CDH4: variants seen among roughly 807,000 people sequenced by gnomAD.
The protein encoded by CDH4 is cadherin-4.
Under a neutral mutation model 86.0 loss-of-function variants are expected in CDH4, and 33 were observed. That is an observed-to-expected ratio of 0.38 (90% CI 0.29 to 0.51). The LOEUF is 0.51. Among genes scored for constraint, CDH4 ranks in the 20% least tolerant of loss-of-function variants. CDH4 has a pLI of 0.86. For missense variants in CDH4, 1,114 were observed against 1,307.4 expected, an observed-to-expected ratio of 0.85 and a Z score of 2.28; for synonymous variants, 555 against 549.4, an observed-to-expected ratio of 1.01 and a Z score of -0.14.
At chr20:61,279,959 G>A (rs2084250080) in intron 2 of CDH4, among the ~76,000 whole-genome samples, 1 of 152,198 alleles carries the variant, frequency 6.6e-6, no homozygotes, top group African/African-American at 2.4e-5. Context: ...CAAGGAGATG[G>A]CCTTCTCAAG....
At chr20:61,826,962 A>AGTGTGTATGTGTGT (rs770422600) in intron 4 of CDH4, among the ~76,000 whole-genome samples, 19 of 145,994 alleles carry the variant, frequency 1.3e-4, no homozygotes, top group African/African-American at 3.7e-4. Flanking sequence ...AGAAGGGAAA[A>AGTGTGTATGTGTGT]GTGTGTGTGT....
intron 7 of CDH4, among the ~76,000 whole-genome samples, chr20:61,884,305 G>A (rs1984435578): frequency 6.6e-6 from 1 of 152,224 alleles, no homozygotes; most frequent in Non-Finnish European, 1.5e-5. Context: ...GGGCAGCTGA[G>A]CAGAAGGTTG....
chr20:61,706,682 T>TGATCCCC (rs1424663475), intron 2 of CDH4, among the ~76,000 whole-genome samples: 1 of 152,110 alleles, frequency 6.6e-6, no homozygotes, highest in African/African-American at 2.4e-5. Flanking sequence ...ACCGACTCCC[T>TGATCCCC]GATCCCCGAT....
intron 3 of CDH4, among the ~76,000 whole-genome samples, chr20:61,768,822 A>G (rs560682892): frequency 3.9e-5 from 6 of 152,208 alleles, no homozygotes; most frequent in South Asian, 2.1e-4. Context: ...AGTAGCAAAT[A>G]TGTGCAATTT....
rs2084877546 is a variant in CDH4 at position 61,377,303 on chromosome 20, C to A, written c.169+122366C>A. Among the ~76,000 whole-genome samples, 1 of 152,094 alleles carries A rather than the reference C, an allele frequency of 6.6e-6. No individual in the cohort carries two copies. Among genetic ancestry groups the A allele is most frequent in the Non-Finnish European group, 1.5e-5 (1 of 68,016 alleles). On this transcript the variant is annotated intron_variant, in intron 2 of 15. Coordinates refer to ENST00000614565, the MANE Select transcript of CDH4 (RefSeq NM_001794.5). The surrounding 1 kb of genome is among the most constrained non-coding windows in gnomAD (Gnocchi z 4.0). The stretch of plus-strand genomic sequence containing the variant: ...CACAGCATCATTTAGGTGACACAGC[C>A]CGGGACTCCTGGGCCCTGACGAATC...
intron 11 of CDH4, among the ~76,000 whole-genome samples, chr20:61,925,521 G>A (rs3787417): frequency 0.46 from 69,241 of 152,108 alleles, 17,928 homozygotes; most frequent in East Asian, 0.83. Flanking sequence ...TGTTTGCTGC[G>A]GCCGTGATGA....
intron 2 of CDH4, among the ~76,000 whole-genome samples, chr20:61,274,747 G>A: frequency 7.0e-6 from 1 of 143,400 alleles, no homozygotes; most frequent in East Asian, 2.2e-4. Flanking sequence ...GGAGTACTGT[G>A]TGCAGTTTGG....
chr20:61,654,732 G>A (rs2087168248), intron 2 of CDH4, among the ~76,000 whole-genome samples: 1 of 152,278 alleles, frequency 6.6e-6, no homozygotes, highest in Admixed American at 6.5e-5. Flanking sequence ...TCTGTAGGGA[G>A]TGTGGTCTCA....
intron 2 of CDH4, among the ~76,000 whole-genome samples, chr20:61,428,945 C>A (rs901727805): frequency 6.6e-6 from 1 of 152,076 alleles, no homozygotes; most frequent in African/African-American, 2.4e-5. Context: ...TCCCTCTGCC[C>A]CTTCTATAGA....
chr20:61,527,307 G>A (rs554678020), intron 2 of CDH4, among the ~76,000 whole-genome samples: 133 of 152,018 alleles, frequency 8.7e-4, no homozygotes, highest in Non-Finnish European at 1.5e-3. Context: ...CTGGAGTGCA[G>A]TGGCAAATCT....
At chr20:61,588,321 C>CG (rs1216576336) in intron 2 of CDH4, among the ~76,000 whole-genome samples, 2 of 152,130 alleles carry the variant, frequency 1.3e-5, no homozygotes, top group Non-Finnish European at 2.9e-5. Context: ...CTCGCAGCCT[C>CG]CATCAGTCAA....
At chr20:61,730,345 TC>T (rs1201429474) in intron 2 of CDH4, among the ~76,000 whole-genome samples, 2 of 152,074 alleles carry the variant, frequency 1.3e-5, no homozygotes, top group Non-Finnish European at 2.9e-5. Context: ...CCTCCCACGG[TC>T]CTTTCACTGT....
intron 2 of CDH4, among the ~76,000 whole-genome samples, chr20:61,445,524 C>G (rs1248004957): frequency 2.6e-5 from 4 of 152,258 alleles, no homozygotes; most frequent in Admixed American, 6.5e-5. Flanking sequence ...ACCAATGCCC[C>G]TCAAACCTCC....
chr20:61,898,162 G>A (rs547947308), intron 8 of CDH4, among the ~76,000 whole-genome samples: 10 of 152,198 alleles, frequency 6.6e-5, no homozygotes, highest in Non-Finnish European at 1.5e-4. Flanking sequence ...ACCGTGGGAC[G>A]GAGCAGGCAG....
chr20:61,262,716 G>T (rs1333383200), intron 2 of CDH4, among the ~76,000 whole-genome samples: 1 of 152,050 alleles, frequency 6.6e-6, no homozygotes, highest in Admixed American at 6.6e-5. Context: ...GCAAATGGAG[G>T]TGGATAAAGG....
chr20:61,379,256 G>C (rs1033400762), intron 2 of CDH4, among the ~76,000 whole-genome samples: 1 of 152,112 alleles, frequency 6.6e-6, no homozygotes, highest in Non-Finnish European at 1.5e-5. Flanking sequence ...GATGCACGTG[G>C]TTTTGGAGTG....
intron 2 of CDH4, among the ~76,000 whole-genome samples, chr20:61,737,019 C>T (rs532670457): frequency 5.2e-4 from 79 of 152,258 alleles, no homozygotes; most frequent in African/African-American, 1.8e-3. Flanking sequence ...CGCCCTGGGA[C>T]GAGTCCCAGG....
intron 4 of CDH4, among the ~76,000 whole-genome samples, chr20:61,819,314 AACCAGAGC>A (rs1980895028): frequency 6.6e-6 from 1 of 152,222 alleles, no homozygotes; most frequent in African/African-American, 2.4e-5. Context: ...AAAGAGAGAG[AACCAGAGC>A]ACATGGATGT....
chr20:61,371,758 C>T (rs953050380), intron 2 of CDH4, among the ~76,000 whole-genome samples: 10 of 152,244 alleles, frequency 6.6e-5, no homozygotes, highest in African/African-American at 1.2e-4. Flanking sequence ...TGGGCTGGGC[C>T]GCATGGAAGG....
Sources: gnomAD v4.1 joint callset for allele counts (sites outside exome capture counted in the v4.1 genomes callset) on GRCh38, gnomAD v4.1.1 for gene constraint, Gnocchi (gnomAD v3.1) non-coding constraint, MANE v1.5 for transcripts, NCBI Gene and HGNC (gene_info 2026-07-23, HGNC 2026-07-21) for gene names.